KCNU1: variants seen among roughly 807,000 people sequenced by gnomAD.
KCNU1 encodes potassium calcium-activated channel subfamily U member 1.
A neutral mutation model predicts 126.8 loss-of-function variants in KCNU1; 93 were observed. The ratio of observed to expected loss-of-function variants is 0.73; its 90% CI spans 0.62 to 0.87. The LOEUF (loss-of-function observed/expected upper bound fraction) is 0.87, where lower values mean the gene tolerates loss of function less well. Among genes scored for constraint, KCNU1 ranks in the 40% least tolerant of loss-of-function variants. The pLI is 0.00. For missense variants in KCNU1, 1,330 were observed against 1,367.1 expected, an observed-to-expected ratio of 0.97 and a Z score of 0.43; for synonymous variants, 523 against 494.2, an observed-to-expected ratio of 1.06 and a Z score of -0.77.
In KCNU1 at chr8:36,822,790, C is replaced by T. The variant is rs535493232; in HGVS notation, c.1106+5030C>T. ...GGCTTAGAGACTACACAGCAAGGAG[C>T]AGTGATATTGTGATACCTCTTTCCT... On this transcript the variant is annotated intron_variant, in intron 10 of 26. Coordinates refer to ENST00000399881, the MANE Select transcript of KCNU1 (RefSeq NM_001031836.3). 2.0e-5 allele frequency among the ~76,000 whole-genome samples: 3 copies of T among 152,252 alleles called. No individual in the cohort carries two copies. The East Asian group carries it at 5.8e-4, about 29-fold the overall frequency.
chr8:36,854,781 G>C (rs1020167897), intron 18 of KCNU1, among the ~76,000 whole-genome samples: 26 of 151,972 alleles, frequency 1.7e-4, no homozygotes, highest in African/African-American at 6.0e-4. Context: ...TATCTTGCTT[G>C]TTTCTTTCCA....
chr8:36,909,152 A>G (rs116377128), intron 20 of KCNU1, among the ~76,000 whole-genome samples, 159 bp from the exon 21 acceptor site: 1 of 152,218 alleles, frequency 6.6e-6, no homozygotes, highest in South Asian at 2.1e-4. Context: ...CTTGTGCATG[A>G]GTTCTGTTTT....
chr8:36,907,865 G>A (rs1038228219), intron 20 of KCNU1, among the ~76,000 whole-genome samples: 5 of 152,120 alleles, frequency 3.3e-5, no homozygotes, highest in Non-Finnish European at 7.4e-5. Flanking sequence ...GTCCTCCTTT[G>A]AAAATATAGA....
chr8:36,900,744 A>C (rs1338067303), intron 19 of KCNU1, among the ~76,000 whole-genome samples: 1 of 152,118 alleles, frequency 6.6e-6, no homozygotes, highest in African/African-American at 2.4e-5. Context: ...CTTGGGACAC[A>C]GGATTTTTTT....
intron 10 of KCNU1, among the ~76,000 whole-genome samples, chr8:36,821,050 C>A (rs888355361): frequency 6.6e-6 from 1 of 151,872 alleles, no homozygotes; most frequent in African/African-American, 2.4e-5. Flanking sequence ...AGCAGCCCTA[C>A]CAACTTGAAG....
intron 18 of KCNU1, among the ~76,000 whole-genome samples, chr8:36,860,171 A>G (rs1270060033): frequency 3.3e-5 from 5 of 152,006 alleles, no homozygotes; most frequent in Admixed American, 1.3e-4. Flanking sequence ...TCCGCCTTCG[A>G]GGTTCAAGTG....
chr8:36,854,901 G>A (rs372990784), intron 18 of KCNU1, among the ~76,000 whole-genome samples: 4 of 152,106 alleles, frequency 2.6e-5, no homozygotes, highest in East Asian at 1.9e-4. Flanking sequence ...TCTGTCATTT[G>A]TGGCCATTGA....
intron 19 of KCNU1, among the ~76,000 whole-genome samples, chr8:36,871,512 C>A (rs1233798041): frequency 6.6e-6 from 1 of 151,852 alleles, no homozygotes; most frequent in African/African-American, 2.4e-5. Flanking sequence ...TTAAAAATAG[C>A]AGAAAAATAG....
intron 19 of KCNU1, among the ~76,000 whole-genome samples, chr8:36,873,863 A>G (rs1806190596): frequency 6.6e-6 from 1 of 152,240 alleles, no homozygotes; most frequent in African/African-American, 2.4e-5. Flanking sequence ...AATATAAGTG[A>G]AAATGTAATT....
intron 10 of KCNU1, among the ~76,000 whole-genome samples, chr8:36,823,922 C>T (rs2130502919): frequency 6.6e-6 from 1 of 151,118 alleles, no homozygotes; most frequent in South Asian, 2.1e-4. Context: ...ACTGCAACCT[C>T]CGCCTCCCAG....
intron 2 of KCNU1, among the ~76,000 whole-genome samples, chr8:36,797,837 A>C (rs1419926249): frequency 6.6e-6 from 1 of 152,168 alleles, no homozygotes; most frequent in East Asian, 1.9e-4. Flanking sequence ...TCTAGCACTG[A>C]GGGCCACATG....
Position 36,793,951 on chromosome 8 carries a change from G to A in KCNU1, c.315+6526G>A, listed in dbSNP as rs567406062. The stretch of plus-strand genomic sequence containing the variant: ...CGCCTGTAATCCCAGCTACTCAGGA[G>A]GCTGAGGCAGGAGAATCACTTGAAC... On this transcript the variant is annotated intron_variant, in intron 2 of 26. Transcript: ENST00000399881. Among the ~76,000 whole-genome samples, 100 of 151,706 alleles carry A rather than the reference G, an allele frequency of 6.6e-4. 1 individual carries two copies. The highest frequency in any genetic ancestry group is 1.2e-3 in the Non-Finnish European group (79 of 67,938).
In KCNU1 at chr8:36,905,797, T is replaced by C; in HGVS notation, c.2099T>C (p.Val700Ala). The C allele has an allele frequency of 6.6e-7, 1 of 1,520,728 alleles. No individual in the cohort carries two copies. Among genetic ancestry groups the C allele is most frequent in the South Asian group, 1.2e-5 (1 of 84,980 alleles). 94.2% of individuals were successfully genotyped at this position (1,520,728 alleles called of 1,614,324 possible). Reference sequence around the variant, plus strand: ...TGCAAACCAACCTCTTTGGACAAGGTGACTCTGGTAGGTGATCTTGCATCA... The same window carrying C: ...TGCAAACCAACCTCTTTGGACAAGGCGACTCTGGTAGGTGATCTTGCATCA... ...HWCKPTSLDK[V>A]TLKRTGKSKY... Residue 700 changes from valine (V) to alanine (A), a missense_variant, in exon 20 of 27, where the codon GTG becomes GCG. This residue lies in a region of KCNU1 where 1,054 missense variants were observed against 1,053.9 expected (regional missense o/e 1.00). Transcript: ENST00000399881.
At chr8:36,804,495 G>A (rs1054767936) in intron 3 of KCNU1, among the ~76,000 whole-genome samples, 6 of 152,152 alleles carry the variant, frequency 3.9e-5, no homozygotes, top group Admixed American at 6.5e-5. Context: ...AAGCAACTTC[G>A]GATGGTATTG....
At chr8:36,831,389 T>C (rs1804541125) in intron 10 of KCNU1, among the ~76,000 whole-genome samples, 1 of 151,664 alleles carries the variant, frequency 6.6e-6, no homozygotes, top group East Asian at 1.9e-4. Flanking sequence ...TGTAAAAGTG[T>C]TCCTATTTCT....
rs761865506 is a variant in KCNU1, at chr8:36,840,512, A to G, written c.1568A>G (p.Asn523Ser). The G allele has an allele frequency of 3.7e-6, 6 of 1,613,076 alleles. No homozygotes were observed. The highest frequency in any genetic ancestry group is 8.5e-7 in the Non-Finnish European group (1 of 1,179,332). The stretch of plus-strand genomic sequence containing the variant: ...AAACACTTCTTGAATAGCATGAAAA[A>G]CAAAATTCTGACCCAACGTCTCTCT... ...WKKHFLNSMK[N>S]KILTQRLSDD... The change falls in exon 15 of 27, where the codon AAC becomes AGC. Residue 523 changes from asparagine to serine, a missense_variant. Physicochemically the swap from Asn to Ser is conservative, Grantham distance 46 (BLOSUM62 1). Coordinates refer to ENST00000399881, the MANE Select transcript of KCNU1 (RefSeq NM_001031836.3).
At chr8:36,888,642 A>G (rs1363823011) in intron 19 of KCNU1, 1 of 534,418 alleles carries the variant, frequency 1.9e-6, no homozygotes, top group Non-Finnish European at 3.8e-6. Flanking sequence ...TCCTCCTCTG[A>G]AAGTACTGAG....
At chr8:36,807,301 T>A (rs1803538907) in intron 5 of KCNU1, 74 bp from the exon 6 acceptor site, 2 of 968,214 alleles carry the variant, frequency 2.1e-6, no homozygotes, top group Non-Finnish European at 3.3e-6. Context: ...GTGATTCCAA[T>A]GCTGTTATAA....
At chr8:36,914,158 AT>A (rs1313049448) in intron 22 of KCNU1, among the ~76,000 whole-genome samples, 2 of 152,208 alleles carry the variant, frequency 1.3e-5, no homozygotes, top group Non-Finnish European at 2.9e-5. Flanking sequence ...ATTATAAAGG[AT>A]CATGAGATTC....
Sources: allele counts gnomAD v4.1 joint callset (sites outside exome capture counted in the v4.1 genomes callset), GRCh38; gene constraint gnomAD v4.1.1; regional missense constraint gnomAD v4.1.1; transcripts MANE v1.5; gene names NCBI Gene and HGNC (gene_info 2026-07-23, HGNC 2026-07-21).